Variants in KCNQ1OT1 observed in about 807,000 individuals in gnomAD.
KCNQ1OT1 encodes KCNQ1 opposite strand/antisense transcript 1.
At chr11:2,667,400 C>T (rs1307937855) in exon 1 of KCNQ1OT1, 2 of 398,626 alleles carry the variant, frequency 5.0e-6, no homozygotes, top group Non-Finnish European at 8.8e-6. Context: ...TCTGGCCAGG[C>T]TCAGCCCTCT....
exon 1 of KCNQ1OT1, chr11:2,686,014 GC>G (rs1850483430): frequency 5.0e-6 from 2 of 398,824 alleles, no homozygotes; most frequent in Non-Finnish European, 8.8e-6. Flanking sequence ...AGTCAGGGGG[GC>G]TCACTCTAAG....
At chr11:2,644,350 T>G (rs7124833) in exon 1 of KCNQ1OT1, 356,415 of 397,988 alleles carry the variant, frequency 0.9, 159,852 homozygotes, top group East Asian at 0.99. Context: ...CTTCTGCTTG[T>G]TGTGGTCTGT....
rs1207378893 is a variant in KCNQ1OT1, at chr11:2,678,083, A to G, written n.21912T>C. On this transcript the variant is annotated non_coding_transcript_exon_variant, in exon 1 of 1. Coordinates refer to ENST00000597346, the Ensembl canonical transcript of KCNQ1OT1. The surrounding 1 kb of genome is among the most constrained non-coding windows in gnomAD (Gnocchi z 4.9). ...TGGACTTTGTAAAATACCTTGTCTT[A>G]CTGATTTGTAGAAACTTGCTTTGTC... 1 of 398,216 alleles carries G rather than the reference A, an allele frequency of 2.5e-6. No individual in the cohort carries two copies. The highest frequency in any genetic ancestry group is 4.4e-6 in the Non-Finnish European group (1 of 225,974). The allele number at this position is 398,216 out of a possible 1,614,324, so 24.7% of individuals were successfully genotyped here.
chr11:2,654,308 T>A lies in KCNQ1OT1; in HGVS notation n.45687A>T. 2.8e-6 allele frequency: 1 copy of A among 361,122 alleles called. No individual in the cohort carries two copies. The highest frequency in any genetic ancestry group is 4.8e-6 in the Non-Finnish European group (1 of 206,662). The allele number at this position is 361,122 out of a possible 1,614,324, so 22.4% of individuals were successfully genotyped here. A position where few individuals can be genotyped will look rare whatever the true frequency, so the allele number is the denominator to read the frequency against. On this transcript the variant is annotated non_coding_transcript_exon_variant, in exon 1 of 1. Coordinates refer to ENST00000597346, the Ensembl canonical transcript of KCNQ1OT1. This position sits in a 1 kb window ranked among gnomAD's most constrained non-coding sequence, Gnocchi z 6.4. ...AATCCACTGAGAGGGGGAGATTTCT[T>A]GAGGGGGCCAGGGAGGGGGCTTCTA...
In KCNQ1OT1 at chr11:2,620,517, A is replaced by C. The variant is rs1163750894; in HGVS notation, n.79478T>G. The stretch of plus-strand genomic sequence containing the variant: ...AGGTGAGAGCTACCGCACCTGGCCG[A>C]ATTCATTCATTTTTATGGCTGCATA... On this transcript the variant is annotated non_coding_transcript_exon_variant, in exon 1 of 1. Transcript: ENST00000597346. This position sits in a 1 kb window ranked among gnomAD's most constrained non-coding sequence, Gnocchi z 4.5. 2 of 387,242 alleles carry C rather than the reference A, an allele frequency of 5.2e-6. No homozygotes were observed. Among genetic ancestry groups the C allele is most frequent in the Admixed American group, 4.5e-5 (1 of 22,264 alleles). The allele number at this position is 387,242 out of a possible 1,614,324, so 24.0% of individuals were successfully genotyped here.
chr11:2,618,133 T>A, exon 1 of KCNQ1OT1: 1 of 398,534 alleles, frequency 2.5e-6, no homozygotes, highest in East Asian at 3.6e-5. Context: ...CCCTATGTTT[T>A]CTTCTGGTTG....
chr11:2,640,923 G>T (rs1171326335), exon 1 of KCNQ1OT1: 5 of 399,148 alleles, frequency 1.3e-5, no homozygotes, highest in African/African-American at 2.1e-5. Flanking sequence ...AATAACATAA[G>T]ATAATTATCT....
exon 1 of KCNQ1OT1, chr11:2,632,563 T>C (rs1411057154): frequency 7.5e-6 from 3 of 398,246 alleles, no homozygotes; most frequent in Non-Finnish European, 8.9e-6. Flanking sequence ...TAGATATTTA[T>C]GGGATATACA....
At chr11:2,630,883 C>T (rs987897805) in exon 1 of KCNQ1OT1, 3 of 398,362 alleles carry the variant, frequency 7.5e-6, no homozygotes, top group African/African-American at 6.2e-5. Context: ...TTTTATCTTT[C>T]AGAACTTTGA....
At chr11:2,631,624 G>C (rs1849354408) in exon 1 of KCNQ1OT1, 1 of 398,388 alleles carries the variant, frequency 2.5e-6, no homozygotes, top group Admixed American at 4.4e-5. Context: ...TCAGGTGGGT[G>C]CTATGTTTCC....
chr11:2,629,747 C>T (rs774880907), exon 1 of KCNQ1OT1: 17 of 398,274 alleles, frequency 4.3e-5, no homozygotes, highest in African/African-American at 1.4e-4. Context: ...TGTATAGATA[C>T]GCAAATGACT....
At position 2,679,038 on chromosome 11, in the gene KCNQ1OT1, C is replaced by T. The variant is rs969376233; in HGVS notation, n.20957G>A. The stretch of plus-strand genomic sequence containing the variant: ...ATAATCTAAAACTTGTAGCCCAGCC[C>T]CTCCTCCATACCAACCACCAAAAAA... On this transcript the variant is annotated non_coding_transcript_exon_variant, in exon 1 of 1. Transcript: ENST00000597346. The surrounding 1 kb of genome is among the most constrained non-coding windows in gnomAD (Gnocchi z 4.8). 2.5e-6 allele frequency: 1 copy of T among 398,464 alleles called. No homozygotes were observed. Among genetic ancestry groups the T allele is most frequent in the Non-Finnish European group, 4.4e-6 (1 of 226,088 alleles). The allele number at this position is 398,464 out of a possible 1,614,324, so 24.7% of individuals were successfully genotyped here. A position where few individuals can be genotyped will look rare whatever the true frequency, so the allele number is the denominator to read the frequency against.
exon 1 of KCNQ1OT1, chr11:2,648,452 C>T: frequency 2.5e-6 from 1 of 398,430 alleles, no homozygotes; most frequent in Non-Finnish European, 4.4e-6. Context: ...GTACCCTATA[C>T]ATTTTTGTAT....
Position 2,664,720 on chromosome 11 carries a change from C to T in KCNQ1OT1, n.35275G>A. The T allele has an allele frequency of 2.5e-6, 1 of 398,694 alleles. No individual in the cohort carries two copies. Among genetic ancestry groups the T allele is most frequent in the Non-Finnish European group, 4.4e-6 (1 of 226,158 alleles). 24.7% of individuals were successfully genotyped at this position (398,694 alleles called of 1,614,324 possible). ...CTGAACTGGGAAGAGAGGCACACGC[C>T]CTGGTGTGTGTGAGGGACAGGGATG... On this transcript the variant is annotated non_coding_transcript_exon_variant, in exon 1 of 1. Coordinates refer to ENST00000597346, the Ensembl canonical transcript of KCNQ1OT1. This position sits in a 1 kb window ranked among gnomAD's most constrained non-coding sequence, Gnocchi z 5.1.
rs1014983126 is a variant in KCNQ1OT1 at position 2,634,421 on chromosome 11, A to G, written n.65574T>C. The stretch of plus-strand genomic sequence containing the variant: ...TCAGTTCCCACCTACGAGTGAGAAC[A>G]TGCGGTGTTTGGTTTTTCATTCTTG... On this transcript the variant is annotated non_coding_transcript_exon_variant, in exon 1 of 1. Transcript: ENST00000597346. The G allele has an allele frequency of 1.7e-5, 3 of 181,706 alleles. No individual in the cohort carries two copies. In the East Asian group the frequency reaches 3.6e-4, roughly 22 times the overall value. The allele number at this position is 181,706 out of a possible 1,614,324, so 11.3% of individuals were successfully genotyped here.
rs968829355 is a variant in KCNQ1OT1 at position 2,673,381 on chromosome 11, C to G, written n.26614G>C. 2 of 398,580 alleles carry G rather than the reference C, an allele frequency of 5.0e-6. No individual in the cohort carries two copies. Among genetic ancestry groups the G allele is most frequent in the African/African-American group, 4.1e-5 (2 of 48,656 alleles). The allele number at this position is 398,580 out of a possible 1,614,324, so 24.7% of individuals were successfully genotyped here. ...AGGGAAGTGACAGAGCAGAGCTCCC[C>G]TTGGCCTTTGTTTAGCCCACCTTCT... On this transcript the variant is annotated non_coding_transcript_exon_variant, in exon 1 of 1. Transcript: ENST00000597346. The surrounding 1 kb of genome is among the most constrained non-coding windows in gnomAD (Gnocchi z 4.5).
chr11:2,623,429 T>C lies in KCNQ1OT1; in HGVS notation n.76566A>G, dbSNP rs1849207088. ...ACTCTGTGCACTGCCTATTCAACCC[T>C]TCTTCCCCAACAACCCTTGGCAACC... is the stretch of plus-strand genomic sequence containing the variant. On this transcript the variant is annotated non_coding_transcript_exon_variant, in exon 1 of 1. Coordinates refer to ENST00000597346, the Ensembl canonical transcript of KCNQ1OT1. The surrounding 1 kb of genome is among the most constrained non-coding windows in gnomAD (Gnocchi z 5.2). 1 of 398,510 alleles carries C rather than the reference T, an allele frequency of 2.5e-6. No individual in the cohort carries two copies. Among genetic ancestry groups the C allele is most frequent in the Non-Finnish European group, 4.4e-6 (1 of 226,080 alleles). 24.7% of individuals were successfully genotyped at this position (398,510 alleles called of 1,614,324 possible).
rs12577654 is a variant in KCNQ1OT1, at chr11:2,662,099, C to T, written n.37896G>A. ...ATCTCACAGTGAGTGCCTACATGTGCGTGAAGGGCTGGGCTGGAGGGGACT... is the reference window on the plus strand; with the variant it reads ...ATCTCACAGTGAGTGCCTACATGTGTGTGAAGGGCTGGGCTGGAGGGGACT... On this transcript the variant is annotated non_coding_transcript_exon_variant, in exon 1 of 1. Coordinates refer to ENST00000597346, the Ensembl canonical transcript of KCNQ1OT1. 4.6e-3 allele frequency: 7,347 copies of T among 1,614,068 alleles called. 179 individuals carry two copies. The highest frequency in any genetic ancestry group is 0.045 in the South Asian group (4,082 of 91,082).
exon 1 of KCNQ1OT1, chr11:2,693,102 T>A: frequency 2.5e-6 from 1 of 398,500 alleles, no homozygotes; most frequent in East Asian, 3.6e-5. Flanking sequence ...TCTTTAAGAG[T>A]CATTTGCCCC....
Sources: allele counts gnomAD v4.1 joint callset, GRCh38; gene constraint gnomAD v4.1.1; non-coding constraint Gnocchi (gnomAD v3.1); transcripts MANE v1.5; gene names NCBI Gene and HGNC (gene_info 2026-07-23, HGNC 2026-07-21).